Variants in ZMAT4 observed in about 807,000 individuals in gnomAD.
ZMAT4 encodes the protein zinc finger matrin-type 4.
In ZMAT4, 17 loss-of-function variants were observed where a neutral mutation model predicts 28.7. That is an observed-to-expected ratio of 0.59 (90% CI 0.41 to 0.89). The LOEUF (loss-of-function observed/expected upper bound fraction) is 0.89. ZMAT4 is among the 40% of genes least tolerant of loss of function. The pLI is 0.00. For missense variants in ZMAT4, 240 were observed against 283.8 expected (o/e 0.85, Z 1.11); for synonymous variants, 117 against 109.2 (o/e 1.07, Z -0.44).
intron 6 of ZMAT4, among the ~76,000 whole-genome samples, chr8:40,553,930 C>T (rs370447478): frequency 8.9e-4 from 135 of 152,282 alleles, no homozygotes; most frequent in African/African-American, 3.1e-3. Context: ...TGATACAGCT[C>T]TTGATAACAT....
intron 5 of ZMAT4, among the ~76,000 whole-genome samples, chr8:40,664,215 C>T (rs1585842611): frequency 6.6e-6 from 1 of 152,164 alleles, no homozygotes; most frequent in African/African-American, 2.4e-5. Flanking sequence ...CCTCCAGATG[C>T]TGCCTTGGGT....
chr8:40,732,024 G>A (rs993938529), intron 3 of ZMAT4, among the ~76,000 whole-genome samples: 1 of 152,166 alleles, frequency 6.6e-6, no homozygotes, highest in Non-Finnish European at 1.5e-5. Flanking sequence ...ACGGGAGTCA[G>A]AGACAGGAAG....
chr8:40,784,563 C>T (rs1048540883), intron 2 of ZMAT4, among the ~76,000 whole-genome samples: 3 of 152,038 alleles, frequency 2.0e-5, no homozygotes, highest in Non-Finnish European at 4.4e-5. Context: ...GAGTTCCCTG[C>T]CAAGAAAGAA....
At chr8:40,659,685 C>T (rs1429671889) in intron 5 of ZMAT4, among the ~76,000 whole-genome samples, 5 of 152,082 alleles carry the variant, frequency 3.3e-5, no homozygotes, top group Admixed American at 3.3e-4. Context: ...TACAGACTGA[C>T]CTAGAAGGAA....
At chr8:40,757,726 T>A (rs931757129) in intron 3 of ZMAT4, among the ~76,000 whole-genome samples, 2 of 152,078 alleles carry the variant, frequency 1.3e-5, no homozygotes, top group South Asian at 4.1e-4. Context: ...CTTGCGATGG[T>A]TAATATTGGG....
At chr8:40,727,989 G>T (rs35929878) in intron 3 of ZMAT4, among the ~76,000 whole-genome samples, 1 of 152,240 alleles carries the variant, frequency 6.6e-6, no homozygotes, top group Middle Eastern at 3.4e-3. Context: ...GCAAAAATAG[G>T]TAGTTATGGG....
At chr8:40,736,252 A>AG (rs1170748343) in intron 3 of ZMAT4, among the ~76,000 whole-genome samples, 11 of 152,128 alleles carry the variant, frequency 7.2e-5, no homozygotes, top group Admixed American at 4.6e-4. Context: ...AACTCCTCTA[A>AG]CCTTTCCTGA....
At chr8:40,559,311 T>A (rs987777681) in intron 6 of ZMAT4, among the ~76,000 whole-genome samples, 1 of 152,120 alleles carries the variant, frequency 6.6e-6, no homozygotes, top group African/African-American at 2.4e-5. Context: ...CAGGGCCTAA[T>A]TATAATACTT....
intron 6 of ZMAT4, among the ~76,000 whole-genome samples, chr8:40,575,353 A>T (rs1438702031): frequency 1.3e-5 from 2 of 151,998 alleles, no homozygotes; most frequent in East Asian, 3.9e-4. Context: ...AAGCCACCAA[A>T]CCCCTATGCC....
intron 6 of ZMAT4, among the ~76,000 whole-genome samples, chr8:40,573,937 C>G (rs952278004): frequency 2.6e-5 from 4 of 152,212 alleles, no homozygotes; most frequent in Non-Finnish European, 5.9e-5. Flanking sequence ...TTACACCACA[C>G]AGTTTAATAA....
chr8:40,836,814 G>T (rs1481981288), intron 1 of ZMAT4, among the ~76,000 whole-genome samples: 1 of 152,200 alleles, frequency 6.6e-6, no homozygotes, highest in Non-Finnish European at 1.5e-5. Context: ...GTAAGCGGTT[G>T]CCAGATCTCA....
intron 2 of ZMAT4, among the ~76,000 whole-genome samples, chr8:40,822,588 G>A (rs1050174031): frequency 6.6e-6 from 1 of 152,180 alleles, no homozygotes; most frequent in Non-Finnish European, 1.5e-5. Context: ...ATCATCTGAT[G>A]CAAGCCATCT....
At chr8:40,764,271 A>C (rs966821815) in intron 3 of ZMAT4, among the ~76,000 whole-genome samples, 1 of 150,418 alleles carries the variant, frequency 6.6e-6, no homozygotes, top group Non-Finnish European at 1.5e-5. Context: ...GGGGAAAAAA[A>C]ATGTAAGATC....
At chr8:40,620,391 A>T (rs537148087) in intron 5 of ZMAT4, among the ~76,000 whole-genome samples, 1 of 152,374 alleles carries the variant, frequency 6.6e-6, no homozygotes, top group South Asian at 2.1e-4. Context: ...CTCAGGCCAC[A>T]GGATAAGGAC....
intron 2 of ZMAT4, among the ~76,000 whole-genome samples, chr8:40,804,141 G>A (rs1229517911): frequency 6.6e-6 from 1 of 152,170 alleles, no homozygotes; most frequent in Non-Finnish European, 1.5e-5. Flanking sequence ...TACTCTGTAT[G>A]ATACTATAAT....
At chr8:40,706,862 T>A (rs1810377643) in intron 3 of ZMAT4, among the ~76,000 whole-genome samples, 1 of 152,208 alleles carries the variant, frequency 6.6e-6, no homozygotes, top group South Asian at 2.1e-4. Context: ...TCAGTCCCAC[T>A]GAAAGGTTTC....
At chr8:40,887,870 C>T (rs563616226) in intron 1 of ZMAT4, among the ~76,000 whole-genome samples, 1 of 152,300 alleles carries the variant, frequency 6.6e-6, no homozygotes, top group South Asian at 2.1e-4. Flanking sequence ...TGGCCATTGT[C>T]CCCTCCCATC....
intron 6 of ZMAT4, among the ~76,000 whole-genome samples, chr8:40,564,976 T>TACACTGGATGTCACTGTC (rs1178302370): frequency 6.6e-6 from 1 of 152,190 alleles, no homozygotes; most frequent in Admixed American, 6.5e-5. Flanking sequence ...GTCTTACTCT[T>TACACTGGATGTCACTGTC]TTATCTGTAC....
Position 40,637,174 on chromosome 8 carries a change from A to G in ZMAT4, c.577+37530T>C, listed in dbSNP as rs75995541. Among the ~76,000 whole-genome samples, 121 of 152,252 alleles carry G rather than the reference A, an allele frequency of 7.9e-4. No individual in the cohort carries two copies. In the East Asian group the frequency reaches 0.017, roughly 21 times the overall value. ...AATGTCTTCTCTGTCTTGAAACCAC[A>G]TTTCTCAGTCAAATTGCAAACGTTA... On this transcript the variant is annotated intron_variant, in intron 5 of 6. Coordinates refer to ENST00000297737, the MANE Select transcript of ZMAT4 (RefSeq NM_024645.3).
Sources: allele counts gnomAD v4.1 joint callset (sites outside exome capture counted in the v4.1 genomes callset), GRCh38; gene constraint gnomAD v4.1.1; transcripts MANE v1.5; gene names NCBI Gene and HGNC (gene_info 2026-07-23, HGNC 2026-07-21).